Variants in ICE2 observed in about 807,000 individuals in gnomAD.
ICE2 encodes the protein interactor of little elongation complex ELL subunit 2, also known as little elongation complex subunit 2.
Under a neutral mutation model 105.4 loss-of-function variants are expected in ICE2, and 87 were observed. That is an observed-to-expected ratio of 0.83 (90% CI 0.69 to 0.99). The LOEUF (loss-of-function observed/expected upper bound fraction) is 0.99. Ranked by LOEUF, ICE2 falls within the 50% of genes least tolerant of loss-of-function variation. The pLI is 0.00. For synonymous variants in ICE2, 399 were observed against 392.0 expected (o/e 1.02, Z -0.21); for missense variants, 1,323 against 1,146.7 (o/e 1.15, Z -2.22).
intron 15 of ICE2, among the ~76,000 whole-genome samples, chr15:60,426,223 A>T (rs749126891): frequency 6.6e-6 from 1 of 152,212 alleles, no homozygotes; most frequent in Non-Finnish European, 1.5e-5. Context: ...ATTATAATGG[A>T]GCTGAAAAAT....
At chr15:60,464,182 G>C (rs2064357149) in intron 5 of ICE2, among the ~76,000 whole-genome samples, 1 of 152,008 alleles carries the variant, frequency 6.6e-6, no homozygotes, top group South Asian at 2.1e-4. Context: ...CATCAATATG[G>C]AAAAAAACAT....
intron 12 of ICE2, chr15:60,439,964 C>T (rs2063684437): frequency 6.6e-6 from 1 of 152,200 alleles, no homozygotes; most frequent in African/African-American, 2.4e-5. Flanking sequence ...TCACTTCTGG[C>T]AGTATCACCT....
At chr15:60,445,239 T>C (rs574372237) in intron 11 of ICE2, among the ~76,000 whole-genome samples, 81 of 152,330 alleles carry the variant, frequency 5.3e-4, no homozygotes, top group African/African-American at 1.9e-3. Flanking sequence ...GAAATACTAA[T>C]GGGGGATGTA....
chr15:60,462,084 G>T (rs1282288396), intron 5 of ICE2, among the ~76,000 whole-genome samples: 1 of 152,106 alleles, frequency 6.6e-6, no homozygotes, highest in African/African-American at 2.4e-5. Flanking sequence ...TTTAAAAGTG[G>T]TATTTAAAAG....
chr15:60,469,356 A>AG (rs1448374688), intron 3 of ICE2, among the ~76,000 whole-genome samples: 1 of 152,150 alleles, frequency 6.6e-6, no homozygotes. Context: ...CTTAATACCT[A>AG]GGTGATGGGT....
At chr15:60,425,552 A>G (rs1394411187) in intron 15 of ICE2, among the ~76,000 whole-genome samples, 1 of 152,208 alleles carries the variant, frequency 6.6e-6, no homozygotes, top group East Asian at 1.9e-4. Flanking sequence ...ACCCTTAAAT[A>G]CAATCTCTAC....
chr15:60,446,279 G>A (rs1039067149), intron 11 of ICE2, among the ~76,000 whole-genome samples: 1 of 152,200 alleles, frequency 6.6e-6, no homozygotes, highest in African/African-American at 2.4e-5. Flanking sequence ...GTTCCACCAA[G>A]TCCACTGGAT....
chr15:60,468,124 G>C lies in ICE2; in HGVS notation c.345C>G (p.Tyr115Ter). Reference sequence around the variant, plus strand: ...CTTTGGAATTTGCAGGAATCTTTGCGTATTTAACCAACAAGTCCACATAAC... The same window carrying C: ...CTTTGGAATTTGCAGGAATCTTTGCCTATTTAACCAACAAGTCCACATAAC... ...QRSYVDLLVK[Y>*]AKIPANSKAV... Residue 115 changes from tyrosine to a stop codon, truncating the protein, a stop_gained, in exon 4 of 16, where the codon TAC (tyrosine) becomes TAG (stop). Transcript: ENST00000261520. LOFTEE classifies it high-confidence loss of function. 3.1e-6 allele frequency: 5 copies of C among 1,613,820 alleles called. No homozygotes were observed. The highest frequency in any genetic ancestry group is 4.2e-6 in the Non-Finnish European group (5 of 1,179,848).
chr15:60,429,089 T>C (rs1436170128), intron 14 of ICE2, among the ~76,000 whole-genome samples: 2 of 152,184 alleles, frequency 1.3e-5, no homozygotes, highest in Non-Finnish European at 2.9e-5. Flanking sequence ...GATAGATGAC[T>C]AGATACAAAA....
chr15:60,456,001 C>A (rs1566994321), intron 6 of ICE2, among the ~76,000 whole-genome samples: 1 of 151,814 alleles, frequency 6.6e-6, no homozygotes, highest in Non-Finnish European at 1.5e-5. Flanking sequence ...GGTAGAAACT[C>A]CAAAATATCC....
At chr15:60,427,498 G>A (rs1201271225) in intron 15 of ICE2, among the ~76,000 whole-genome samples, 2 of 152,148 alleles carry the variant, frequency 1.3e-5, no homozygotes, top group Non-Finnish European at 2.9e-5. Context: ...TTGGGTCACT[G>A]CAACCTCTGC....
intron 13 of ICE2, among the ~76,000 whole-genome samples, 193 bp downstream of exon 13, chr15:60,435,950 G>A (rs560588488): frequency 6.6e-6 from 1 of 152,224 alleles, no homozygotes; most frequent in Non-Finnish European, 1.5e-5. Flanking sequence ...TCCAGCCTGG[G>A]TGACAGAACG....
chr15:60,449,494 T>A lies in ICE2; in HGVS notation c.1473A>T (p.Ser491=), dbSNP rs760087903. 6.2e-7 allele frequency: 1 copy of A among 1,614,136 alleles called. No homozygotes were observed. The highest frequency in any genetic ancestry group is 1.7e-5 in the Admixed American group (1 of 60,032). ...CKNKDDQGFE[S]CEKVSNSDKP... ...TGTCAGAATTTGATACCTTTTCACA[T>A]GATTCAAATCCCTGATCATCTTTAT... The change falls in exon 10 of 16, where the codon TCA becomes TCT. Residue 491 remains serine, a synonymous_variant. Transcript: ENST00000261520.
intron 5 of ICE2, among the ~76,000 whole-genome samples, chr15:60,464,019 A>G (rs1214778729): frequency 4.6e-5 from 7 of 152,238 alleles, no homozygotes; most frequent in Admixed American, 4.6e-4. Context: ...TTATCTGTTA[A>G]GCTGCATCTA....
chr15:60,434,690 T>C (rs2063544281), intron 13 of ICE2, among the ~76,000 whole-genome samples: 1 of 152,140 alleles, frequency 6.6e-6, no homozygotes, highest in Non-Finnish European at 1.5e-5. Flanking sequence ...TTCAATCATA[T>C]GTAGAAGCTA....
At chr15:60,457,706 T>C (rs2064166444) in intron 5 of ICE2, among the ~76,000 whole-genome samples, 1 of 152,218 alleles carries the variant, frequency 6.6e-6, no homozygotes, top group African/African-American at 2.4e-5. Context: ...CTGCCTGCTA[T>C]CTTTCACATT....
Position 60,447,975 on chromosome 15 carries a change from T to A in ICE2, c.2290A>T (p.Arg764Ter). 6.2e-7 allele frequency: 1 copy of A among 1,608,546 alleles called. No homozygotes were observed. The highest frequency in any genetic ancestry group is 8.5e-7 in the Non-Finnish European group (1 of 1,178,050). Residue 764 changes from arginine to a stop codon, truncating the protein, a stop_gained, in exon 11 of 16, where the codon AGA (arginine) becomes TGA (stop). Transcript: ENST00000261520. LOFTEE classifies it high-confidence loss of function. ...CTCCGCAAATAACAACTTACTCTTC[T>A]GATTTTCTTCCGTTTTTTAGAACGT... is the stretch of plus-strand genomic sequence containing the variant. ...RPRSKKRKKI[R>*]RQFPVYVLPK...
At chr15:60,451,307 A>G in intron 9 of ICE2, 1 of 832,944 alleles carries the variant, frequency 1.2e-6, no homozygotes, top group Non-Finnish European at 1.4e-6. Flanking sequence ...CCTTCCCAAG[A>G]ATCCAAAGGG....
intron 9 of ICE2, chr15:60,452,006 A>G (rs538056856): frequency 3.3e-5 from 25 of 751,678 alleles, no homozygotes; most frequent in South Asian, 6.0e-5. Context: ...TTTAGATGTC[A>G]TCAATAAAAG....
Sources: gnomAD v4.1 joint callset for allele counts (sites outside exome capture counted in the v4.1 genomes callset) on GRCh38, gnomAD v4.1.1 for gene constraint, MANE v1.5 for transcripts, NCBI Gene and HGNC (gene_info 2026-07-23, HGNC 2026-07-21) for gene names.